MYRFL: variants seen among roughly 807,000 people sequenced by gnomAD.
MYRFL encodes the protein myelin regulatory factor-like protein.
In MYRFL, 88 loss-of-function variants were observed where a neutral mutation model predicts 109.4. The observed-to-expected ratio is 0.80, with a 90% CI of 0.68 to 0.96. The LOEUF (loss-of-function observed/expected upper bound fraction) is 0.96, where lower values mean the gene tolerates loss of function less well. Ranked by LOEUF, MYRFL falls within the 40% of genes least tolerant of loss-of-function variation. MYRFL has a pLI of 0.00. For synonymous variants in MYRFL, 324 were observed against 320.9 expected (o/e 1.01, Z -0.10); for missense variants, 957 against 954.9 (o/e 1.00, Z -0.03).
chr12:69,869,711 C>G (rs1885227019), intron 2 of MYRFL, among the ~76,000 whole-genome samples: 1 of 152,098 alleles, frequency 6.6e-6, no homozygotes, highest in Non-Finnish European at 1.5e-5. Flanking sequence ...TTGGAGAAAA[C>G]TAGGATTGGA....
At chr12:69,838,981 A>G (rs1043374352) in intron 1 of MYRFL, among the ~76,000 whole-genome samples, 5 of 152,258 alleles carry the variant, frequency 3.3e-5, no homozygotes, top group Non-Finnish European at 2.9e-5. Context: ...GCAGCTCTCT[A>G]AAGACATCGA....
chr12:69,940,834 G>A (rs1459009511), intron 19 of MYRFL, among the ~76,000 whole-genome samples: 9 of 126,380 alleles, frequency 7.1e-5, no homozygotes, highest in Non-Finnish European at 1.3e-4. Context: ...AAAGGATGGA[G>A]GAAGATCTAC....
intron 8 of MYRFL, among the ~76,000 whole-genome samples, chr12:69,894,395 C>T (rs984248605): frequency 1.1e-4 from 16 of 152,254 alleles, no homozygotes; most frequent in South Asian, 4.2e-4. Context: ...CTTTATAAAA[C>T]GATCCATTTT....
At chr12:69,883,044 G>A (rs1182843685) in intron 5 of MYRFL, among the ~76,000 whole-genome samples, 1 of 152,224 alleles carries the variant, frequency 6.6e-6, no homozygotes, top group African/African-American at 2.4e-5. Context: ...TCAAATGCAA[G>A]CTATCAGTTT....
In MYRFL at chr12:69,958,623, T is replaced by A. The variant is rs548657330; in HGVS notation, c.*92T>A. On this transcript the variant is annotated 3_prime_UTR_variant, in exon 25 of 25. Transcript: ENST00000552032. The stretch of plus-strand genomic sequence containing the variant: ...CCTCTTGCAACTTCTTTTTTCTTCT[T>A]TGTAAAACATTTACGTTTATTGCTG... 1.6e-5 allele frequency: 15 copies of A among 952,146 alleles called. No individual in the cohort carries two copies. The highest frequency in any genetic ancestry group is 2.3e-5 in the Non-Finnish European group (15 of 652,278). 59.0% of individuals were successfully genotyped at this position (952,146 alleles called of 1,614,324 possible).
At chr12:69,835,690 T>C (rs1470649305) in intron 1 of MYRFL, among the ~76,000 whole-genome samples, 1 of 152,222 alleles carries the variant, frequency 6.6e-6, no homozygotes, top group Non-Finnish European at 1.5e-5. Flanking sequence ...GAAACAAATC[T>C]ATTGATAAGT....
chr12:69,841,147 T>C (rs1883220869), intron 1 of MYRFL, among the ~76,000 whole-genome samples: 1 of 152,200 alleles, frequency 6.6e-6, no homozygotes, highest in Non-Finnish European at 1.5e-5. Context: ...GGAGTTTTTC[T>C]TGGGGGCAGT....
intron 1 of MYRFL, among the ~76,000 whole-genome samples, chr12:69,846,311 G>A (rs542921734): frequency 6.6e-6 from 1 of 150,788 alleles, no homozygotes; most frequent in Non-Finnish European, 1.5e-5. Context: ...TTAGCATTAG[G>A]TATATCTCCT....
At chr12:69,935,883 C>T (rs1004110730) in intron 16 of MYRFL, 5 of 525,304 alleles carry the variant, frequency 9.5e-6, no homozygotes, top group Non-Finnish European at 1.6e-5. Flanking sequence ...AAAAATCCAT[C>T]AGCATGGAAT....
intron 1 of MYRFL, among the ~76,000 whole-genome samples, chr12:69,854,796 C>T (rs1179293118): frequency 4.6e-5 from 7 of 152,226 alleles, no homozygotes; most frequent in East Asian, 1.9e-4. Context: ...ACCCATCACC[C>T]GAAACCCCTA....
chr12:69,944,523 G>A (rs1430407651), intron 19 of MYRFL, among the ~76,000 whole-genome samples: 3 of 143,566 alleles, frequency 2.1e-5, no homozygotes, highest in Non-Finnish European at 4.5e-5. Context: ...ATCACACTCT[G>A]AGGACTGTTG....
chr12:69,933,387 CTATT>C (rs1955333368), intron 16 of MYRFL, among the ~76,000 whole-genome samples: 1 of 152,192 alleles, frequency 6.6e-6, no homozygotes, highest in African/African-American at 2.4e-5. Context: ...CTTAGTCTGA[CTATT>C]CATATGGTGA....
intron 10 of MYRFL, 109 bp downstream of exon 10, chr12:69,897,355 A>G (rs567432618): frequency 9.8e-5 from 79 of 810,124 alleles, no homozygotes; most frequent in Admixed American, 1.1e-4. Flanking sequence ...TGATAATGAT[A>G]GTAATGGCAG....
rs746776280 is a variant in MYRFL at position 69,910,816 on chromosome 12, T to C, written c.1493-5T>C. On this transcript the variant is annotated splice_region_variant and splice_polypyrimidine_tract_variant and intron_variant, in intron 12 of 24. Transcript: ENST00000552032. Reference sequence around the variant, plus strand: ...GATTAAACCTGTGGAGTGTTTTGTATACAGGAATGATTGCCCAGGAGGTGC... The same window carrying C: ...GATTAAACCTGTGGAGTGTTTTGTACACAGGAATGATTGCCCAGGAGGTGC... 6.5e-7 allele frequency: 1 copy of C among 1,529,554 alleles called. No homozygotes were observed. The highest frequency in any genetic ancestry group is 8.8e-7 in the Non-Finnish European group (1 of 1,141,286). 94.7% of individuals were successfully genotyped at this position (1,529,554 alleles called of 1,614,324 possible). A position where few individuals can be genotyped will look rare whatever the true frequency, so the allele number is the denominator to read the frequency against.
At chr12:69,842,135 C>G (rs1354996402) in intron 1 of MYRFL, among the ~76,000 whole-genome samples, 2 of 152,100 alleles carry the variant, frequency 1.3e-5, no homozygotes, top group African/African-American at 2.4e-5. Flanking sequence ...TGTGCCTGGC[C>G]CATATCACAT....
intron 2 of MYRFL, among the ~76,000 whole-genome samples, chr12:69,866,162 T>C (rs896380124): frequency 4.6e-5 from 7 of 152,102 alleles, no homozygotes; most frequent in Admixed American, 6.5e-5. Flanking sequence ...CTCAGGGAAA[T>C]ACATGAAATG....
intron 16 of MYRFL, among the ~76,000 whole-genome samples, chr12:69,933,765 A>C (rs1235410294): frequency 6.6e-6 from 1 of 152,160 alleles, no homozygotes; most frequent in Admixed American, 6.5e-5. Flanking sequence ...CCTCTATCTT[A>C]GTGGACATCC....
intron 1 of MYRFL, among the ~76,000 whole-genome samples, chr12:69,843,160 TTTTA>T (rs1396274591): frequency 6.6e-6 from 1 of 151,442 alleles, no homozygotes; most frequent in African/African-American, 2.4e-5. Context: ...AAGTAGAGTA[TTTTA>T]TTTCTCTTTA....
chr12:69,894,921 C>T (rs1165089919), intron 8 of MYRFL, among the ~76,000 whole-genome samples: 1 of 152,208 alleles, frequency 6.6e-6, no homozygotes, highest in Non-Finnish European at 1.5e-5. Context: ...TGTGGCCTTC[C>T]TTTGGAGGAA....
Sources: allele counts gnomAD v4.1 joint callset (sites outside exome capture counted in the v4.1 genomes callset), GRCh38; gene constraint gnomAD v4.1.1; transcripts MANE v1.5; gene names NCBI Gene and HGNC (gene_info 2026-07-23, HGNC 2026-07-21).